The following ZBTB44 variants were observed in gnomAD, a reference collection of about 807,000 sequenced individuals.
ZBTB44 encodes zinc finger and BTB domain containing 44, also known as zinc finger and BTB domain-containing protein 44.
ZBTB44 carries 15 observed loss-of-function variants against 54.0 expected under a neutral mutation model. The ratio of observed to expected loss-of-function variants is 0.28; its 90% CI spans 0.19 to 0.43. The LOEUF (loss-of-function observed/expected upper bound fraction) is 0.43, where lower values mean the gene tolerates loss of function less well. ZBTB44 is among the 20% of genes least tolerant of loss of function. The pLI is 1.00. For missense variants in ZBTB44, 487 were observed against 707.1 expected (o/e 0.69, Z 3.53); for synonymous variants, 230 against 250.1 (o/e 0.92, Z 0.76).
At chr11:130,270,705 G>A (rs549511895) in intron 1 of ZBTB44, among the ~76,000 whole-genome samples, 143 of 152,300 alleles carry the variant, frequency 9.4e-4, no homozygotes, top group Middle Eastern at 3.4e-3. Flanking sequence ...TTTGTACTAA[G>A]GGTGGGTGGA....
intron 1 of ZBTB44, among the ~76,000 whole-genome samples, chr11:130,289,223 C>T (rs1941155834): frequency 6.6e-6 from 1 of 152,138 alleles, no homozygotes; most frequent in Non-Finnish European, 1.5e-5. Flanking sequence ...TGGCTCACGC[C>T]TGTAATCCCA....
At chr11:130,310,004 G>T (rs2134538517) in intron 1 of ZBTB44, among the ~76,000 whole-genome samples, 1 of 152,014 alleles carries the variant, frequency 6.6e-6, no homozygotes, top group African/African-American at 2.4e-5. Context: ...CTATTTTTAT[G>T]GAATTTTTAT....
chr11:130,240,137 G>C lies in ZBTB44; in HGVS notation c.1019-241C>G, dbSNP rs1360996285. 2.0e-5 allele frequency among the ~76,000 whole-genome samples: 3 copies of C among 151,684 alleles called. No individual in the cohort carries two copies. In the East Asian group the frequency reaches 5.8e-4, roughly 29 times the overall value. On this transcript the variant is annotated intron_variant, in intron 2 of 7. Coordinates refer to ENST00000357899, the MANE Select transcript of ZBTB44 (RefSeq NM_001301098.2). ...GCTCACTGCAAGCTCTGCCTCCTGGGTTTACGCCATTCTCCTGCCTCAGCC... is the reference window on the plus strand; with the variant it reads ...GCTCACTGCAAGCTCTGCCTCCTGGCTTTACGCCATTCTCCTGCCTCAGCC...
intron 2 of ZBTB44, among the ~76,000 whole-genome samples, chr11:130,240,214 T>G (rs1240338467): frequency 6.6e-6 from 1 of 152,068 alleles, no homozygotes; most frequent in African/African-American, 2.4e-5. Flanking sequence ...GCTCATTTTT[T>G]GTATTTTAGT....
At chr11:130,250,621 T>C (rs1446059121) in intron 2 of ZBTB44, among the ~76,000 whole-genome samples, 1 of 152,174 alleles carries the variant, frequency 6.6e-6, no homozygotes, top group East Asian at 1.9e-4. Flanking sequence ...CCTCCGCTGG[T>C]GATACCCAGG....
At chr11:130,255,917 A>C (rs1166926528) in intron 2 of ZBTB44, among the ~76,000 whole-genome samples, 2 of 146,814 alleles carry the variant, frequency 1.4e-5, no homozygotes, top group Non-Finnish European at 3.0e-5. Context: ...AAAAAAAAAA[A>C]AAAACACCCC....
intron 1 of ZBTB44, among the ~76,000 whole-genome samples, chr11:130,268,238 C>T (rs886344787): frequency 1.8e-4 from 24 of 137,136 alleles, no homozygotes; most frequent in Non-Finnish European, 3.2e-4. Flanking sequence ...AAAAAAAAAG[C>T]GGGGGGTGGA....
intron 1 of ZBTB44, among the ~76,000 whole-genome samples, chr11:130,277,695 CCT>C (rs1940208300): frequency 6.6e-6 from 1 of 151,940 alleles, no homozygotes; most frequent in Admixed American, 6.6e-5. Context: ...TATATAATTA[CCT>C]TTTCTGATGC....
chr11:130,244,135 T>G (rs1054333137), intron 2 of ZBTB44, among the ~76,000 whole-genome samples: 1 of 152,178 alleles, frequency 6.6e-6, no homozygotes, highest in Non-Finnish European at 1.5e-5. Flanking sequence ...TAATTTAACC[T>G]TGCAGTTCCT....
intron 1 of ZBTB44, among the ~76,000 whole-genome samples, chr11:130,302,031 G>A (rs1230193495): frequency 1.4e-5 from 2 of 147,756 alleles, no homozygotes; most frequent in South Asian, 2.1e-4. Flanking sequence ...CAGCCTAGGC[G>A]ACAGAGGGAG....
At chr11:130,246,784 G>A (rs1387288907) in intron 2 of ZBTB44, among the ~76,000 whole-genome samples, 2 of 152,058 alleles carry the variant, frequency 1.3e-5, no homozygotes, top group Admixed American at 6.6e-5. Context: ...TTAGGGGTGG[G>A]GCCTGGTCCT....
At chr11:130,237,869 A>ATCCTG (rs1417892246) in intron 4 of ZBTB44, among the ~76,000 whole-genome samples, 2 of 152,158 alleles carry the variant, frequency 1.3e-5, no homozygotes, top group East Asian at 3.9e-4. Context: ...ACCCACAAGA[A>ATCCTG]TCCTGTTGCC....
intron 2 of ZBTB44, among the ~76,000 whole-genome samples, chr11:130,240,129 C>T (rs995992293): frequency 6.7e-6 from 1 of 149,968 alleles, no homozygotes; most frequent in Non-Finnish European, 1.5e-5. Context: ...GCAAGCTCTG[C>T]CTCCTGGGTT....
At chr11:130,265,168 A>G (rs1457836498) in intron 1 of ZBTB44, among the ~76,000 whole-genome samples, 1 of 152,142 alleles carries the variant, frequency 6.6e-6, no homozygotes, top group Non-Finnish European at 1.5e-5. Flanking sequence ...AATTAGACCA[A>G]TTAATAACCC....
chr11:130,294,009 G>A (rs1941475285), intron 1 of ZBTB44, among the ~76,000 whole-genome samples: 2 of 152,126 alleles, frequency 1.3e-5, no homozygotes, highest in African/African-American at 4.8e-5. Context: ...CATGCTGATT[G>A]TTACTTTCTA....
At chr11:130,235,987 A>T in intron 5 of ZBTB44, 74 of 798,860 alleles carry the variant, frequency 9.3e-5, no homozygotes, top group Non-Finnish European at 1.1e-4. Context: ...AAAAAGAAAG[A>T]TTTGTAAAAA....
intron 1 of ZBTB44, among the ~76,000 whole-genome samples, chr11:130,283,236 C>A (rs1326177474): frequency 6.6e-6 from 1 of 151,482 alleles, no homozygotes; most frequent in African/African-American, 2.4e-5. Flanking sequence ...AGTAGAGAGG[C>A]GGTTTTGCCA....
At position 130,261,796 on chromosome 11, in the gene ZBTB44, A is replaced by C. The variant is rs772284733; in HGVS notation, c.78T>G (p.Asn26Lys). The C allele has an allele frequency of 6.2e-7, 1 of 1,614,012 alleles. No homozygotes were observed. The highest frequency in any genetic ancestry group is 1.1e-5 in the South Asian group (1 of 91,084). ...EMLGKLNMLRNDGHFCDITIR... is the reference protein window; with the variant it reads ...EMLGKLNMLRKDGHFCDITIR... ...TAGTGATATCACAAAAATGTCCATC[A>C]TTTCGCAGCATATTTAGCTTTCCAA... Residue 26 changes from asparagine (N) to lysine (K), a missense_variant, in exon 2 of 8, where the codon AAT (asparagine) becomes AAG (lysine). By Grantham distance (94) the Asn-to-Lys change is moderately conservative (BLOSUM62 0). Transcript: ENST00000357899. This position sits in a 1 kb window ranked among gnomAD's most constrained non-coding sequence, Gnocchi z 4.8.
At chr11:130,276,442 C>A (rs7131463) in intron 1 of ZBTB44, among the ~76,000 whole-genome samples, 1 of 138,554 alleles carries the variant, frequency 7.2e-6, no homozygotes, top group Non-Finnish European at 1.6e-5. Context: ...TTTTTTTTTT[C>A]TTTTTTTTTT....
Sources: allele counts gnomAD v4.1 joint callset (sites outside exome capture counted in the v4.1 genomes callset), GRCh38; gene constraint gnomAD v4.1.1; non-coding constraint Gnocchi (gnomAD v3.1); transcripts MANE v1.5; gene names NCBI Gene and HGNC (gene_info 2026-07-23, HGNC 2026-07-21).